The following SCARA3 variants were observed in gnomAD, a reference collection of about 807,000 sequenced individuals.
The protein encoded by SCARA3 is cellular stress response gene protein.
In SCARA3, 39 loss-of-function variants were observed where a neutral mutation model predicts 47.0. The ratio of observed to expected loss-of-function variants is 0.83; its 90% CI spans 0.64 to 1.08. SCARA3 has a LOEUF of 1.08. Among genes scored for constraint, SCARA3 ranks in the 50% least tolerant of loss-of-function variants. The probability of loss-of-function intolerance (pLI) is 0.00; values close to 1 mark genes in which losing one functional copy is unlikely to be tolerated. For missense variants in SCARA3, 724 were observed against 792.3 expected (o/e 0.91, Z 1.04); for synonymous variants, 356 against 334.1 (o/e 1.07, Z -0.71).
At chr8:27,697,650 C>G in the SCARA3 span, 21 of 152,256 alleles carry the variant, frequency 1.4e-4, no homozygotes, top group African/African-American at 4.8e-4. Context: ...TCCCGTAATT[C>G]CTATGTGTTG....
At chr8:27,688,364 A>G in the SCARA3 span, among the ~76,000 whole-genome samples, 2 of 151,844 alleles carry the variant, frequency 1.3e-5, no homozygotes, top group Non-Finnish European at 2.9e-5. Flanking sequence ...CAACAGATAA[A>G]TATAAAGAAA....
intron 3 of SCARA3, among the ~76,000 whole-genome samples, chr8:27,656,136 A>T (rs577731): frequency 0.3 from 45,178 of 152,134 alleles, 7,523 homozygotes; most frequent in South Asian, 0.47. Flanking sequence ...AAGAAGAAGG[A>T]TGAGTATGGT....
chr8:27,670,047 G>T (rs559529505), intron 5 of SCARA3, among the ~76,000 whole-genome samples: 6 of 152,190 alleles, frequency 3.9e-5, no homozygotes. Flanking sequence ...CCCTGTCCTC[G>T]GCACTAGACA....
In SCARA3 at chr8:27,671,593, C is replaced by T. The variant is rs1802160024; in HGVS notation, c.*242C>T. Reference sequence around the variant, plus strand: ...ATGCACACACATGCACACATACACGCACATGCACACATACACATGCATGCA... The same window carrying T: ...ATGCACACACATGCACACATACACGTACATGCACACATACACATGCATGCA... On this transcript the variant is annotated 3_prime_UTR_variant, in exon 6 of 6. Transcript: ENST00000301904. The T allele has an allele frequency of 8.0e-7, 1 of 1,244,014 alleles. No homozygotes were observed. The highest frequency in any genetic ancestry group is 1.0e-6 in the Non-Finnish European group (1 of 996,896). The allele number at this position is 1,244,014 out of a possible 1,614,324, so 77.1% of individuals were successfully genotyped here. A position where few individuals can be genotyped will look rare whatever the true frequency, so the allele number is the denominator to read the frequency against.
chr8:27,711,734 TTA>T, the SCARA3 span, among the ~76,000 whole-genome samples: 1 of 152,018 alleles, frequency 6.6e-6, no homozygotes, highest in African/African-American at 2.4e-5. Context: ...ATTTAAATTA[TTA>T]TATATATTTA....
chr8:27,685,387 C>G, the SCARA3 span, among the ~76,000 whole-genome samples: 1 of 152,130 alleles, frequency 6.6e-6, no homozygotes, highest in Admixed American at 6.6e-5. Flanking sequence ...TCAAAGAAGT[C>G]AAAACTCCAA....
the SCARA3 span, among the ~76,000 whole-genome samples, chr8:27,725,165 A>G: frequency 6.6e-6 from 1 of 152,122 alleles, no homozygotes; most frequent in African/African-American, 2.4e-5. Context: ...CAAACAAACA[A>G]ACAAAAACAG....
chr8:27,655,857 G>A (rs577051214), intron 3 of SCARA3, among the ~76,000 whole-genome samples: 107 of 152,258 alleles, frequency 7.0e-4, no homozygotes, highest in African/African-American at 2.5e-3. Flanking sequence ...AAAAATGTCC[G>A]TGACATGATA....
intron 4 of SCARA3, 28 bp from the exon 5 acceptor site, chr8:27,658,468 C>T: frequency 1.3e-6 from 2 of 1,552,056 alleles, no homozygotes; most frequent in Non-Finnish European, 8.7e-7. Context: ...CCTTCAGCAA[C>T]TCAAACTGTT....
chr8:27,725,884 C>T, the SCARA3 span, among the ~76,000 whole-genome samples: 1 of 152,206 alleles, frequency 6.6e-6, no homozygotes, highest in Non-Finnish European at 1.5e-5. Flanking sequence ...CAGGTGGCAG[C>T]TGACAGCTGT....
chr8:27,731,624 A>G, the SCARA3 span, among the ~76,000 whole-genome samples: 393 of 139,732 alleles, frequency 2.8e-3, 6 homozygotes, highest in African/African-American at 0.01. Flanking sequence ...CCTGGGCAAC[A>G]GAGCGAGACT....
chr8:27,659,325 C>A lies in SCARA3; in HGVS notation c.1155C>A (p.Cys385Ter), dbSNP rs1801838266. The stretch of plus-strand genomic sequence containing the variant: ...ACCTGGATGACGTGCGGCTCTCCTG[C>A]ACGCTGGGCTTCCACACCCATGCCG... The part of the protein sequence containing the change: ...LKYLDDVRLS[C>*]TLGFHTHAEE... The change falls in exon 5 of 6, where the codon TGC becomes TGA. Residue 385 changes from cysteine (C) to a stop codon, truncating the protein, a stop_gained. Transcript: ENST00000301904. LOFTEE classifies it high-confidence loss of function. The A allele has an allele frequency of 6.2e-7, 1 of 1,614,014 alleles. No individual in the cohort carries two copies. Among genetic ancestry groups the A allele is most frequent in the African/African-American group, 1.3e-5 (1 of 74,904 alleles).
At chr8:27,695,919 G>A in the SCARA3 span, among the ~76,000 whole-genome samples, 2 of 151,718 alleles carry the variant, frequency 1.3e-5, no homozygotes, top group African/African-American at 4.8e-5. Context: ...CATGAAATTG[G>A]ACACTCAAAA....
At chr8:27,725,464 A>G in the SCARA3 span, among the ~76,000 whole-genome samples, 5 of 151,136 alleles carry the variant, frequency 3.3e-5, no homozygotes, top group African/African-American at 1.2e-4. Context: ...TACATTATAT[A>G]GTAAAAAGAA....
chr8:27,667,108 C>A lies in SCARA3; in HGVS notation c.1370-3792C>A, dbSNP rs186575932. 9.4e-4 allele frequency among the ~76,000 whole-genome samples: 143 copies of A among 152,326 alleles called. No individual in the cohort carries two copies. In the East Asian group the frequency reaches 0.024, roughly 26 times the overall value. Reference sequence around the variant, plus strand: ...AGCCCTTCTCTCCTCTGCCCCTCACCCCTGCCTTGTTATTGGCAGGGTCAG... The same window carrying A: ...AGCCCTTCTCTCCTCTGCCCCTCACACCTGCCTTGTTATTGGCAGGGTCAG... On this transcript the variant is annotated intron_variant, in intron 5 of 5. Coordinates refer to ENST00000301904, the MANE Select transcript of SCARA3 (RefSeq NM_016240.3).
At chr8:27,720,858 A>T in the SCARA3 span, among the ~76,000 whole-genome samples, 1 of 151,464 alleles carries the variant, frequency 6.6e-6, no homozygotes, top group African/African-American at 2.4e-5. Flanking sequence ...CCATCCACCT[A>T]TTTATCCACT....
the SCARA3 span, among the ~76,000 whole-genome samples, chr8:27,715,389 C>T: frequency 3.9e-5 from 6 of 152,146 alleles, no homozygotes; most frequent in Non-Finnish European, 7.3e-5. The surrounding 1 kb of genome is among the most constrained non-coding windows in gnomAD (Gnocchi z 4.2). Context: ...CTATGAGGCT[C>T]CCACTACTCA....
chr8:27,720,040 G>A, the SCARA3 span, among the ~76,000 whole-genome samples: 1 of 152,058 alleles, frequency 6.6e-6, no homozygotes, highest in Admixed American at 6.6e-5. Context: ...AGTCTTCAAG[G>A]ACAAACAGGA....
the SCARA3 span, among the ~76,000 whole-genome samples, chr8:27,732,591 C>T: frequency 6.6e-6 from 1 of 152,204 alleles, no homozygotes; most frequent in South Asian, 2.1e-4. Flanking sequence ...ATTTTCACTG[C>T]ACTGCTAAGT....
Sources: allele counts gnomAD v4.1 joint callset (sites outside exome capture counted in the v4.1 genomes callset), GRCh38; gene constraint gnomAD v4.1.1; non-coding constraint Gnocchi (gnomAD v3.1); transcripts MANE v1.5; gene names NCBI Gene and HGNC (gene_info 2026-07-23, HGNC 2026-07-21).